The following ARHGEF26 variants were observed in gnomAD, a reference collection of about 807,000 sequenced individuals.
ARHGEF26 encodes the protein Rho guanine nucleotide exchange factor 26, also known as Rho guanine nucleotide exchange factor (GEF) 26.
Under a neutral mutation model 89.4 loss-of-function variants are expected in ARHGEF26, and 59 were observed. The observed-to-expected ratio is 0.66, with a 90% CI of 0.54 to 0.82. The LOEUF is 0.82. Among genes scored for constraint, ARHGEF26 ranks in the 40% least tolerant of loss-of-function variants. The pLI, the probability that ARHGEF26 is intolerant of heterozygous loss-of-function variation, is 0.00. For synonymous variants in ARHGEF26, 500 were observed against 428.4 expected (o/e 1.17, Z -2.06); for missense variants, 1,234 against 1,085.6 (o/e 1.14, Z -1.92).
At chr3:154,150,905 A>G (rs1317994816) in intron 5 of ARHGEF26, among the ~76,000 whole-genome samples, 3 of 152,190 alleles carry the variant, frequency 2.0e-5, no homozygotes, top group African/African-American at 4.8e-5. Context: ...TGATGGTATT[A>G]TTGCAGGATA....
intron 11 of ARHGEF26, among the ~76,000 whole-genome samples, chr3:154,231,149 G>A (rs781587815): frequency 6.6e-6 from 1 of 152,176 alleles, no homozygotes; most frequent in Non-Finnish European, 1.5e-5. Context: ...GCTTATTTCT[G>A]ACCATTTTGG....
intron 10 of ARHGEF26, among the ~76,000 whole-genome samples, chr3:154,220,264 A>G (rs1174342939): frequency 6.6e-6 from 1 of 152,218 alleles, no homozygotes; most frequent in East Asian, 1.9e-4. Flanking sequence ...TGTGGAAGGC[A>G]GTAGATAAAA....
chr3:154,239,299 A>AGAGTGTGTGTGT (rs1182446964), intron 11 of ARHGEF26, among the ~76,000 whole-genome samples: 3 of 64,328 alleles, frequency 4.7e-5, no homozygotes, highest in African/African-American at 1.2e-4. Flanking sequence ...AGAGAGAGAG[A>AGAGTGTGTGTGT]GTGTGTGTGT....
intron 11 of ARHGEF26, among the ~76,000 whole-genome samples, chr3:154,238,209 T>A (rs920924736): frequency 6.6e-6 from 1 of 152,212 alleles, no homozygotes; most frequent in Admixed American, 6.5e-5. Context: ...TTTATAAACA[T>A]CATGTCTACT....
chr3:154,192,996 T>C (rs1322614542), intron 8 of ARHGEF26, among the ~76,000 whole-genome samples: 2 of 152,160 alleles, frequency 1.3e-5, no homozygotes, highest in Non-Finnish European at 2.9e-5. Context: ...TGTTATACAG[T>C]GTTGGAGATT....
intron 6 of ARHGEF26, among the ~76,000 whole-genome samples, chr3:154,169,553 G>T (rs1012656896): frequency 6.6e-6 from 1 of 152,108 alleles, no homozygotes; most frequent in African/African-American, 2.4e-5. Flanking sequence ...AAAGCATCGT[G>T]CAAAACTGTT....
At chr3:154,124,302 T>TA (rs372053352) in intron 2 of ARHGEF26, 108 bp from the exon 3 acceptor site, 28 of 769,868 alleles carry the variant, frequency 3.6e-5, no homozygotes, top group Admixed American at 1.3e-4. Context: ...ATGTAATGAC[T>TA]AAAAAAAAGT....
At chr3:154,208,248 A>G (rs1331602306) in intron 9 of ARHGEF26, among the ~76,000 whole-genome samples, 1 of 152,220 alleles carries the variant, frequency 6.6e-6, no homozygotes, top group African/African-American at 2.4e-5. Flanking sequence ...CCCTGAAGCT[A>G]AAATAAACGT....
chr3:154,157,430 G>A (rs1711498307), intron 6 of ARHGEF26, among the ~76,000 whole-genome samples: 1 of 152,164 alleles, frequency 6.6e-6, no homozygotes, highest in African/African-American at 2.4e-5. Flanking sequence ...TGTTCGTGAA[G>A]GCCATTATGT....
Position 154,152,928 on chromosome 3 carries a change from A to C in ARHGEF26, c.1483A>C (p.Lys495Gln). The change falls in exon 6 of 15, where the codon AAA becomes CAA. Residue 495 changes from lysine (K) to glutamine (Q), a missense_variant. Coordinates refer to ENST00000465093, the MANE Select transcript of ARHGEF26 (RefSeq NM_015595.4). ...SNITDVCEAS[K>Q]KFFIELEARH... is the part of the protein sequence containing the mutation. ...TATTACAGATGTCTGTGAGGCAAGCAAAAAGTAAGTGCACTGCAGTCTGCC... is the reference window on the plus strand; with the variant it reads ...TATTACAGATGTCTGTGAGGCAAGCCAAAAGTAAGTGCACTGCAGTCTGCC... 6.3e-7 allele frequency: 1 copy of C among 1,583,556 alleles called. No individual in the cohort carries two copies. Among genetic ancestry groups the C allele is most frequent in the Non-Finnish European group, 8.6e-7 (1 of 1,166,314 alleles).
At chr3:154,208,134 C>T (rs1159108378) in intron 9 of ARHGEF26, among the ~76,000 whole-genome samples, 2 of 152,134 alleles carry the variant, frequency 1.3e-5, no homozygotes. Context: ...GGCAGAATAG[C>T]TAGTGGATTC....
At chr3:154,227,039 T>G (rs1716535365) in intron 11 of ARHGEF26, among the ~76,000 whole-genome samples, 1 of 152,164 alleles carries the variant, frequency 6.6e-6, no homozygotes, top group African/African-American at 2.4e-5. Context: ...CAAACTAAAT[T>G]AAAACAGATT....
At chr3:154,227,427 G>A (rs902340765) in intron 11 of ARHGEF26, among the ~76,000 whole-genome samples, 19 of 151,292 alleles carry the variant, frequency 1.3e-4, no homozygotes, top group African/African-American at 1.7e-4. Flanking sequence ...TCTCGCAGGC[G>A]CCCGCTACCA....
intron 10 of ARHGEF26, among the ~76,000 whole-genome samples, chr3:154,224,008 G>C (rs1716306716): frequency 6.6e-6 from 1 of 151,888 alleles, no homozygotes; most frequent in Non-Finnish European, 1.5e-5. Flanking sequence ...TGCTCCATAG[G>C]CACAGACTAT....
intron 12 of ARHGEF26, among the ~76,000 whole-genome samples, chr3:154,246,581 G>A (rs148495846): frequency 4.1e-4 from 62 of 152,316 alleles, no homozygotes; most frequent in African/African-American, 1.4e-3. Context: ...CTCTACCAGA[G>A]ATATCTCGAG....
intron 4 of ARHGEF26, among the ~76,000 whole-genome samples, chr3:154,137,407 G>T (rs1348444915): frequency 6.6e-6 from 1 of 152,118 alleles, no homozygotes; most frequent in Non-Finnish European, 1.5e-5. Flanking sequence ...GAACTTCTTA[G>T]CCTCTATAAC....
At chr3:154,229,597 T>A (rs1716711457) in intron 11 of ARHGEF26, among the ~76,000 whole-genome samples, 2 of 152,180 alleles carry the variant, frequency 1.3e-5, no homozygotes, top group Non-Finnish European at 2.9e-5. Flanking sequence ...GATGTTTCTT[T>A]GTTGTAGAGG....
At chr3:154,222,569 T>G (rs542158787) in intron 10 of ARHGEF26, among the ~76,000 whole-genome samples, 2 of 152,224 alleles carry the variant, frequency 1.3e-5, no homozygotes, top group Admixed American at 6.5e-5. Flanking sequence ...ATTTAAGAGA[T>G]ATAAAGGGTT....
rs533077519 is a variant in ARHGEF26 at position 154,194,867 on chromosome 3, T to C, written c.1845+149T>C. ...TAGGTAGTTGCAAAACAAAATCATA[T>C]TTGCTATACTCAGGTGAAGTTGGTA... On this transcript the variant is annotated intron_variant, in intron 9 of 14. Coordinates refer to ENST00000465093, the MANE Select transcript of ARHGEF26 (RefSeq NM_015595.4). 10 of 676,068 alleles carry C rather than the reference T, an allele frequency of 1.5e-5. No individual in the cohort carries two copies. The East Asian group carries it at 2.2e-4, about 15-fold the overall frequency. The allele number at this position is 676,068 out of a possible 1,614,324, so 41.9% of individuals were successfully genotyped here.
Sources: allele counts gnomAD v4.1 joint callset (sites outside exome capture counted in the v4.1 genomes callset), GRCh38; gene constraint gnomAD v4.1.1; transcripts MANE v1.5; gene names NCBI Gene and HGNC (gene_info 2026-07-23, HGNC 2026-07-21).